The following CASK variants were observed in gnomAD, a reference collection of about 807,000 sequenced individuals.
The protein encoded by CASK is calcium/calmodulin dependent serine protein kinase.
In CASK, 4 loss-of-function variants were observed where a neutral mutation model predicts 82.9. The observed-to-expected ratio is 0.05, with a 90% confidence interval of 0.02 to 0.11. CASK has a LOEUF of 0.11. Ranked by LOEUF, CASK falls within the 10% of genes least tolerant of loss-of-function variation. CASK has a pLI of 1.00. For synonymous variants in CASK, 259 were observed against 253.5 expected, an observed-to-expected ratio of 1.02 and a Z score of -0.20; for missense variants, 358 against 720.9, an observed-to-expected ratio of 0.50 and a Z score of 5.76.
chrX:41,719,705 C>T (rs184598967), intron 5 of CASK, among the ~76,000 whole-genome samples: 1 of 111,838 alleles, frequency 8.9e-6, no homozygotes, highest in Non-Finnish European at 1.9e-5. Context: ...TTGGCTGGAA[C>T]GGGACCTCGC....
intron 15 of CASK, among the ~76,000 whole-genome samples, chrX:41,572,737 T>C (rs945174177): frequency 8.9e-6 from 1 of 112,216 alleles, no homozygotes; most frequent in African/African-American, 3.2e-5. Flanking sequence ...AAAGAACTTA[T>C]AGATTTACCC....
intron 2 of CASK, among the ~76,000 whole-genome samples, chrX:41,814,294 G>A (rs2070368039): frequency 2.7e-5 from 3 of 111,586 alleles, no homozygotes; most frequent in African/African-American, 9.8e-5. Context: ...ACATGCACAA[G>A]TATGTTTATT....
chrX:41,728,367 T>C (rs2068306862), intron 5 of CASK: 1 of 151,990 alleles, frequency 6.6e-6, no homozygotes, highest in African/African-American at 3.1e-5. Context: ...AAGAAGCAAA[T>C]GGTTTATGAC....
chrX:41,533,093 G>T (rs966896041), intron 24 of CASK, among the ~76,000 whole-genome samples: 4 of 111,648 alleles, frequency 3.6e-5, no homozygotes, highest in African/African-American at 1.3e-4. Flanking sequence ...TTATAGGTGT[G>T]AGCCACCGCG....
intron 1 of CASK, among the ~76,000 whole-genome samples, chrX:41,900,184 T>C (rs1253406053): frequency 9.0e-6 from 1 of 111,315 alleles, no homozygotes; most frequent in Non-Finnish European, 1.9e-5. Flanking sequence ...TCTTGATGCT[T>C]TTGAAATTAT....
At chrX:41,567,406 A>C (rs1204605177) in intron 16 of CASK, among the ~76,000 whole-genome samples, 1 of 112,060 alleles carries the variant, frequency 8.9e-6, no homozygotes, top group African/African-American at 3.2e-5. Flanking sequence ...AAAACAAAGA[A>C]CCCCATCAAA....
At chrX:41,783,561 A>C (rs756183988) in intron 3 of CASK, among the ~76,000 whole-genome samples, 6 of 110,904 alleles carry the variant, frequency 5.4e-5, no homozygotes, top group African/African-American at 2.0e-4. Context: ...AAAAAAAAAA[A>C]AAACAAAAGA....
At chrX:41,530,799 T>C (rs2064791239) in intron 25 of CASK, among the ~76,000 whole-genome samples, 1 of 112,493 alleles carries the variant, frequency 8.9e-6, no homozygotes, top group Non-Finnish European at 1.9e-5. Flanking sequence ...TCTCTGCTTC[T>C]TAAATACATG....
intron 5 of CASK, among the ~76,000 whole-genome samples, chrX:41,706,378 G>C (rs1040008231): frequency 5.4e-5 from 6 of 110,906 alleles, no homozygotes; most frequent in Non-Finnish European, 1.1e-4. Context: ...TGGTAGGAGG[G>C]AATAAGCATG....
intron 5 of CASK, among the ~76,000 whole-genome samples, chrX:41,679,929 G>T (rs752608824): frequency 8.1e-5 from 9 of 111,438 alleles, no homozygotes; most frequent in Non-Finnish European, 1.7e-4. Flanking sequence ...CATGATGTGG[G>T]CCAGGTGCGG....
At chrX:41,740,860 C>T (rs1212453912) in intron 4 of CASK, among the ~76,000 whole-genome samples, 1 of 111,657 alleles carries the variant, frequency 9.0e-6, no homozygotes, top group East Asian at 2.8e-4. Flanking sequence ...GCCATTGTAG[C>T]CTGTAATTAA....
chrX:41,792,867 T>G (rs1008231944), intron 2 of CASK, among the ~76,000 whole-genome samples: 61 of 111,532 alleles, frequency 5.5e-4, no homozygotes, highest in African/African-American at 1.9e-3. Flanking sequence ...GGCCACATTT[T>G]AAGTGCTCAA....
chrX:41,675,315 C>G (rs2067250225), intron 5 of CASK, among the ~76,000 whole-genome samples: 1 of 111,856 alleles, frequency 8.9e-6, no homozygotes, highest in African/African-American at 3.2e-5. Context: ...TATGTTTCTA[C>G]CACAGCCTTG....
At chrX:41,739,024 T>C (rs1254110852) in intron 5 of CASK, among the ~76,000 whole-genome samples, 1 of 112,370 alleles carries the variant, frequency 8.9e-6, no homozygotes, top group Non-Finnish European at 1.9e-5. Context: ...TATGTTATGA[T>C]TAACTTTTAC....
chrX:41,664,161 T>C (rs1017081641), intron 7 of CASK, among the ~76,000 whole-genome samples: 4 of 112,217 alleles, frequency 3.6e-5, no homozygotes, highest in Non-Finnish European at 7.5e-5. Context: ...GACAAACTTA[T>C]ATGCACTCAT....
chrX:41,894,862 G>T (rs985787534), intron 1 of CASK, among the ~76,000 whole-genome samples: 1 of 111,983 alleles, frequency 8.9e-6, no homozygotes, highest in Non-Finnish European at 1.9e-5. Context: ...GTAATGACAA[G>T]GTTTCTAGCA....
chrX:41,633,605 TA>T lies in CASK; in HGVS notation c.915+2972del, dbSNP rs74314263. The stretch of plus-strand genomic sequence containing the variant: ...TGTTATCTAGAGGATTCTTTTTTTT[TA>T]TTTTTTTTTAATGAAGTATTACAAT... On this transcript the variant is annotated intron_variant, in intron 9 of 26. Coordinates refer to ENST00000378163, the MANE Select transcript of CASK (RefSeq NM_001367721.1). Among the ~76,000 whole-genome samples, 161 of 108,650 alleles carry T rather than the reference TA, an allele frequency of 1.5e-3. 1 individual carries two copies. The highest frequency in any genetic ancestry group is 4.7e-3 in the Middle Eastern group (1 of 212). The allele number at this position is 108,650 out of a possible 115,157, so 94.3% of individuals were successfully genotyped here.
chrX:41,543,925 T>C (rs1307292100), intron 21 of CASK, among the ~76,000 whole-genome samples: 4 of 112,373 alleles, frequency 3.6e-5, no homozygotes, highest in Non-Finnish European at 7.5e-5. Context: ...GGAATACCAC[T>C]GTGTTTTTAA....
Position 41,595,187 on chromosome X carries a change from C to T in CASK, c.1156-5595G>A, listed in dbSNP as rs190836313. On this transcript the variant is annotated intron_variant, in intron 12 of 26. Coordinates refer to ENST00000378163, the MANE Select transcript of CASK (RefSeq NM_001367721.1). ...TTAGGAACCAGATATTATTTCTCTT[C>T]GATCCTGCATGTGCAGTTAAAAACT... Among the ~76,000 whole-genome samples, 266 of 112,586 alleles carry T rather than the reference C, an allele frequency of 2.4e-3. 1 individual carries two copies. Among genetic ancestry groups the T allele is most frequent in the Admixed American group, 5.3e-3 (56 of 10,653 alleles).
Sources: gnomAD v4.1 joint callset for allele counts (sites outside exome capture counted in the v4.1 genomes callset) on GRCh38, gnomAD v4.1.1 for gene constraint, MANE v1.5 for transcripts, NCBI Gene and HGNC (gene_info 2026-07-23, HGNC 2026-07-21) for gene names.